NRP1: variants seen among roughly 807,000 people sequenced by gnomAD.
NRP1 encodes neuropilin-1.
NRP1 carries 35 observed loss-of-function variants against 106.7 expected under a neutral mutation model. That is an observed-to-expected ratio of 0.33 (90% CI 0.25 to 0.43). The LOEUF (loss-of-function observed/expected upper bound fraction) is 0.43, where lower values mean the gene tolerates loss of function less well. Ranked by LOEUF, NRP1 falls within the 20% of genes least tolerant of loss-of-function variation. NRP1 has a pLI of 1.00. For synonymous variants in NRP1, 437 were observed against 417.9 expected (o/e 1.05, Z -0.56); for missense variants, 1,024 against 1,170.4 (o/e 0.87, Z 1.83).
chr10:33,185,715 C>T lies in NRP1; in HGVS notation c.2344G>A (p.Glu782Lys). The T allele has an allele frequency of 1.2e-6, 2 of 1,613,434 alleles. No individual in the cohort carries two copies. Among genetic ancestry groups the T allele is most frequent in the Non-Finnish European group, 1.7e-6 (2 of 1,179,412 alleles). The change falls in exon 15 of 17, where the codon GAG becomes AAG. Residue 782 changes from glutamate (E) to lysine (K), a missense_variant. Transcript: ENST00000374867. ...AGGTTTCCTTTTCCGATTTCGCCCTCGAAAATCACCTAACAAAATAAGATC... is the reference window on the plus strand; with the variant it reads ...AGGTTTCCTTTTCCGATTTCGCCCTTGAAAATCACCTAACAAAATAAGATC... ...KSLKLYQVIFEGEIGKGNLGG... is the reference protein window; with the variant it reads ...KSLKLYQVIFKGEIGKGNLGG...
In NRP1 at chr10:33,180,371, G is replaced by GA. The variant is rs763097857; in HGVS notation, c.2483-7dup. On this transcript the variant is annotated splice_region_variant and splice_polypyrimidine_tract_variant and intron_variant, in intron 16 of 16. Transcript: ENST00000374867. ...TTCGTATCCTGGCGTGCTCCCTATG[G>GA]AAAAAAACAATATTGTCTCCGTGAG... The GA allele has an allele frequency of 3.8e-6, 6 of 1,567,972 alleles. No homozygotes were observed. The highest frequency in any genetic ancestry group is 1.2e-5 in the South Asian group (1 of 85,058).
intron 11 of NRP1, among the ~76,000 whole-genome samples, chr10:33,197,916 G>A (rs1247492181): frequency 1.3e-5 from 2 of 150,056 alleles, no homozygotes; most frequent in African/African-American, 2.5e-5. Context: ...TTTACCTAAC[G>A]CATTTCTTTT....
chr10:33,287,971 G>C (rs766403358), intron 2 of NRP1, among the ~76,000 whole-genome samples: 1 of 152,136 alleles, frequency 6.6e-6, no homozygotes, highest in Non-Finnish European at 1.5e-5. Flanking sequence ...GTGTGAGCCC[G>C]AGCTTTTCTG....
intron 4 of NRP1, among the ~76,000 whole-genome samples, chr10:33,260,467 T>C (rs983496213): frequency 6.6e-5 from 10 of 152,228 alleles, no homozygotes; most frequent in African/African-American, 2.4e-4. Context: ...TTTGGAATGT[T>C]GGTAAAATTG....
At position 33,182,833 on chromosome 10, in the gene NRP1, G is replaced by GCGCACACACACACACACA. The variant is rs374584878; in HGVS notation, c.2432-86_2432-85insTGTGTGTGTGTGTGTGCG. ...AAACTACACAAACCTTTAGGTACAT[G>GCGCACACACACACACACA]CACACACACACACACACACACACAC... On this transcript the variant is annotated intron_variant, in intron 15 of 16. Transcript: ENST00000374867. 1,698 of 746,892 alleles carry GCGCACACACACACACACA rather than the reference G, an allele frequency of 2.3e-3. 5 individuals are homozygous for GCGCACACACACACACACA. Among genetic ancestry groups the GCGCACACACACACACACA allele is most frequent in the East Asian group, 2.6e-3 (99 of 37,494 alleles). 46.3% of individuals were successfully genotyped at this position (746,892 alleles called of 1,614,324 possible). A position where few individuals can be genotyped will look rare whatever the true frequency, so the allele number is the denominator to read the frequency against.
intron 6 of NRP1, among the ~76,000 whole-genome samples, chr10:33,242,936 C>G (rs1047741384): frequency 6.6e-6 from 1 of 152,166 alleles, no homozygotes; most frequent in Non-Finnish European, 1.5e-5. Flanking sequence ...CAGAATGGAA[C>G]ATGGTATTTG....
chr10:33,297,315 A>G (rs1845457585), intron 2 of NRP1, among the ~76,000 whole-genome samples: 1 of 152,280 alleles, frequency 6.6e-6, no homozygotes, highest in Non-Finnish European at 1.5e-5. Flanking sequence ...GTTTCTTTAG[A>G]TTTGGATGGA....
At chr10:33,188,325 A>G (rs1010539936) in intron 13 of NRP1, among the ~76,000 whole-genome samples, 1 of 152,186 alleles carries the variant, frequency 6.6e-6, no homozygotes, top group Admixed American at 6.5e-5. Flanking sequence ...GGACGTAGGT[A>G]GAGGGATGCT....
At chr10:33,222,102 C>T (rs977624610) in intron 7 of NRP1, among the ~76,000 whole-genome samples, 8 of 152,134 alleles carry the variant, frequency 5.3e-5, no homozygotes, top group African/African-American at 1.9e-4. Flanking sequence ...TTTAAAAGCA[C>T]TATTATATGG....
intron 2 of NRP1, among the ~76,000 whole-genome samples, chr10:33,312,308 G>A (rs1484571319): frequency 6.6e-6 from 1 of 152,162 alleles, no homozygotes; most frequent in Non-Finnish European, 1.5e-5. Context: ...AAGAAAACAA[G>A]TTTAAAACAC....
chr10:33,213,174 C>G lies in NRP1; in HGVS notation c.1614+212G>C, dbSNP rs116077663. On this transcript the variant is annotated intron_variant, in intron 9 of 16. Coordinates refer to ENST00000374867, the MANE Select transcript of NRP1 (RefSeq NM_003873.7). The stretch of plus-strand genomic sequence containing the variant: ...CCCTACAGCCAGGGAATGGGACCAG[C>G]AATGCAATTCTTTTGCATGTTATCT... 8.0e-4 allele frequency: 1,059 copies of G among 1,321,800 alleles called. 7 individuals carry two copies. In the African/African-American group the frequency reaches 0.014, roughly 17 times the overall value. 81.9% of individuals were successfully genotyped at this position (1,321,800 alleles called of 1,614,324 possible). A position where few individuals can be genotyped will look rare whatever the true frequency, so the allele number is the denominator to read the frequency against.
In NRP1 at chr10:33,192,322, C is replaced by A; in HGVS notation, c.2021G>T (p.Ser674Ile). 2.5e-6 allele frequency: 4 copies of A among 1,613,860 alleles called. No individual in the cohort carries two copies. Among genetic ancestry groups the A allele is most frequent in the Non-Finnish European group, 2.5e-6 (3 of 1,179,850 alleles). Reference sequence around the variant, plus strand: ...GGGTCCCGTCTTGCTGGTCAACACACTCCACTTGAGCTGCACGTGATTGTC... The same window carrying A: ...GGGTCCCGTCTTGCTGGTCAACACAATCCACTTGAGCTGCACGTGATTGTC... Reference protein sequence around the residue: ...EHDNHVQLKWSVLTSKTGPIQ... With the variant: ...EHDNHVQLKWIVLTSKTGPIQ... Residue 674 changes from serine (S) to isoleucine (I), a missense_variant, in exon 13 of 17, where the codon AGT (serine) becomes ATT (isoleucine). Ser to Ile is a moderately radical substitution (Grantham distance 142). Transcript: ENST00000374867.
intron 1 of NRP1, among the ~76,000 whole-genome samples, chr10:33,331,602 G>T (rs868684262): frequency 2.6e-5 from 4 of 152,146 alleles, no homozygotes; most frequent in African/African-American, 9.7e-5. Flanking sequence ...CCTAAATGTT[G>T]GGTGAAAAAT....
intron 10 of NRP1, among the ~76,000 whole-genome samples, chr10:33,206,564 G>A (rs1037608514): frequency 5.7e-5 from 8 of 139,674 alleles, no homozygotes; most frequent in African/African-American, 2.0e-4. Context: ...ATATTTGGTA[G>A]CTCAAGACAC....
intron 12 of NRP1, among the ~76,000 whole-genome samples, chr10:33,196,957 G>A (rs937402575): frequency 6.6e-6 from 1 of 152,132 alleles, no homozygotes; most frequent in Non-Finnish European, 1.5e-5. Context: ...ACCTCTGATT[G>A]CTTATACTGA....
chr10:33,303,685 T>C (rs557032304), intron 2 of NRP1, among the ~76,000 whole-genome samples: 1 of 152,256 alleles, frequency 6.6e-6, no homozygotes, highest in African/African-American at 2.4e-5. Flanking sequence ...AAGTAAATGT[T>C]AAATGTGCTT....
At chr10:33,292,334 A>G (rs377420730) in intron 2 of NRP1, among the ~76,000 whole-genome samples, 19 of 151,962 alleles carry the variant, frequency 1.3e-4, no homozygotes, top group African/African-American at 4.3e-4. Flanking sequence ...TTCTTTCCCA[A>G]TTGTTCTTGG....
At chr10:33,256,728 C>T (rs1564428772) in intron 4 of NRP1, among the ~76,000 whole-genome samples, 1 of 152,228 alleles carries the variant, frequency 6.6e-6, no homozygotes. Flanking sequence ...GGAACAGAAT[C>T]AAAATGCTTG....
intron 2 of NRP1, among the ~76,000 whole-genome samples, chr10:33,282,155 G>A (rs556349449): frequency 1.3e-5 from 2 of 150,752 alleles, no homozygotes; most frequent in South Asian, 4.2e-4. Context: ...CATGAAATCC[G>A]TTAAGTGTTT....
Sources: gnomAD v4.1 joint callset for allele counts (sites outside exome capture counted in the v4.1 genomes callset) on GRCh38, gnomAD v4.1.1 for gene constraint, MANE v1.5 for transcripts, NCBI Gene and HGNC (gene_info 2026-07-23, HGNC 2026-07-21) for gene names.